The following SSU72L6 variants were observed in gnomAD, a reference collection of about 807,000 sequenced individuals.
The protein encoded by SSU72L6 is SSU72 like 6.
At chr7:124,476,903 A>G in the SSU72L6 span, 1 of 764,414 alleles carries the variant, frequency 1.3e-6, no homozygotes, top group East Asian at 2.4e-5. Context: ...CTGCTGTTGC[A>G]AATGGAGGAG....
the SSU72L6 span, among the ~76,000 whole-genome samples, chr7:124,477,334 T>A: frequency 1.3e-5 from 2 of 152,268 alleles, no homozygotes; most frequent in East Asian, 3.9e-4. Context: ...TAACATTGTA[T>A]AGATAAGCAC....
chr7:124,476,995 T>C, the SSU72L6 span: 1 of 679,670 alleles, frequency 1.5e-6, no homozygotes, highest in East Asian at 2.6e-5. Flanking sequence ...GGTAAGAACT[T>C]AGGCATGGGA....
At chr7:124,476,974 T>A in the SSU72L6 span, 1 of 715,490 alleles carries the variant, frequency 1.4e-6, no homozygotes, top group Non-Finnish European at 2.5e-6. Flanking sequence ...GCTGGCTTTG[T>A]CTCCTTCCTC....
At chr7:124,477,167 G>T in the SSU72L6 span, among the ~76,000 whole-genome samples, 2 of 152,130 alleles carry the variant, frequency 1.3e-5, no homozygotes, top group Non-Finnish European at 2.9e-5. Context: ...AAAATGCTTG[G>T]CATTGTTCTA....
the SSU72L6 span, chr7:124,476,810 G>A: frequency 2.6e-6 from 2 of 775,810 alleles, no homozygotes; most frequent in Non-Finnish European, 2.4e-6. Flanking sequence ...ACCCTGGAAG[G>A]TGCCATCCTG....
chr7:124,476,391 G>T, the SSU72L6 span: 4 of 778,136 alleles, frequency 5.1e-6, no homozygotes, highest in South Asian at 5.4e-5. Context: ...CCCCACTCAG[G>T]GTGGCTGTGG....
chr7:124,476,334 G>C, the SSU72L6 span: 1 of 735,574 alleles, frequency 1.4e-6, no homozygotes, highest in African/African-American at 1.7e-5. Flanking sequence ...CAGCAGCTGA[G>C]GTGCCTGTGT....
At chr7:124,476,865 C>G in the SSU72L6 span, 1 of 766,256 alleles carries the variant, frequency 1.3e-6, no homozygotes, top group South Asian at 1.3e-5. Context: ...TGCAGCAGTC[C>G]GACGACATGG....
the SSU72L6 span, chr7:124,476,692 A>G: frequency 2.7e-5 from 21 of 780,578 alleles, no homozygotes; most frequent in Non-Finnish European, 2.4e-6. Flanking sequence ...CTTTGATGTC[A>G]TCTTTACCTG....
the SSU72L6 span, chr7:124,477,017 A>T: frequency 1.6e-6 from 1 of 641,022 alleles, no homozygotes. Flanking sequence ...TTTAGTCCAG[A>T]TTGATTGTGA....
chr7:124,477,631 A>C, the SSU72L6 span, among the ~76,000 whole-genome samples: 3 of 145,262 alleles, frequency 2.1e-5, no homozygotes, highest in African/African-American at 7.5e-5. Context: ...AATTAAATGA[A>C]ATAAAAAATT....
chr7:124,476,390 G>T, the SSU72L6 span: 1 of 778,072 alleles, frequency 1.3e-6, no homozygotes, highest in Non-Finnish European at 2.4e-6. Flanking sequence ...TCCCCACTCA[G>T]GGTGGCTGTG....
the SSU72L6 span, among the ~76,000 whole-genome samples, chr7:124,477,226 G>C: frequency 6.6e-6 from 1 of 152,168 alleles, no homozygotes; most frequent in Non-Finnish European, 1.5e-5. Context: ...ATTCTACAAG[G>C]AAGCTATCCC....
At chr7:124,477,112 T>C in the SSU72L6 span, among the ~76,000 whole-genome samples, 2 of 152,136 alleles carry the variant, frequency 1.3e-5, no homozygotes, top group African/African-American at 2.4e-5. Flanking sequence ...ACCAAGAAAA[T>C]ATTTTATGGG....
At chr7:124,476,343 G>C in the SSU72L6 span, 4 of 748,216 alleles carry the variant, frequency 5.3e-6, no homozygotes, top group Non-Finnish European at 1.0e-5. Flanking sequence ...AGGTGCCTGT[G>C]TCTCTCTTGT....
chr7:124,476,567 A>T, the SSU72L6 span: 3 of 780,704 alleles, frequency 3.8e-6, no homozygotes, highest in Non-Finnish European at 7.2e-6. Context: ...GAGATGTACA[A>T]TGACCTCCTC....
chr7:124,477,033 A>T, the SSU72L6 span: 7 of 630,182 alleles, frequency 1.1e-5, no homozygotes, highest in African/African-American at 1.1e-4. Context: ...TGTGAGAAGT[A>T]TCTACAAAGA....
the SSU72L6 span, chr7:124,476,711 G>A: frequency 2.9e-5 from 23 of 780,654 alleles, no homozygotes; most frequent in Admixed American, 1.2e-4. Flanking sequence ...TGTGAGGAGC[G>A]TGTCTATGAC....
At chr7:124,477,443 T>G in the SSU72L6 span, among the ~76,000 whole-genome samples, 1 of 151,976 alleles carries the variant, frequency 6.6e-6, no homozygotes, top group African/African-American at 2.4e-5. Context: ...TATATTAACT[T>G]AAATGTTGTT....
Sources: allele counts gnomAD v4.1 joint callset (sites outside exome capture counted in the v4.1 genomes callset), GRCh38; gene constraint gnomAD v4.1.1; transcripts MANE v1.5; gene names NCBI Gene and HGNC (gene_info 2026-07-23, HGNC 2026-07-21).